Variants in GNB4 observed in about 807,000 individuals in gnomAD.
GNB4 encodes guanine nucleotide-binding protein subunit beta-4.
In GNB4, 28 loss-of-function variants were observed where a neutral mutation model predicts 45.2. The observed-to-expected ratio is 0.62, with a 90% CI of 0.46 to 0.85. The LOEUF (loss-of-function observed/expected upper bound fraction) is 0.85, where lower values mean the gene tolerates loss of function less well. Among genes scored for constraint, GNB4 ranks in the 40% least tolerant of loss-of-function variants. The pLI, the probability that GNB4 is intolerant of heterozygous loss-of-function variation, is 0.00. For synonymous variants in GNB4, 132 were observed against 143.7 expected, an observed-to-expected ratio of 0.92 and a Z score of 0.58; for missense variants, 321 against 425.4, an observed-to-expected ratio of 0.75 and a Z score of 2.16.
the GNB4 span, among the ~76,000 whole-genome samples, chr3:179,507,050 G>A: frequency 2.0e-5 from 3 of 152,096 alleles, no homozygotes; most frequent in South Asian, 2.1e-4. Context: ...CCCACCCAGC[G>A]GACCAAACTA....
intron 5 of GNB4, 91 bp from the exon 6 acceptor site, chr3:179,415,138 T>A: frequency 1.0e-6 from 1 of 985,262 alleles, no homozygotes; most frequent in South Asian, 3.5e-5. Flanking sequence ...TTATTAAAAA[T>A]TAAACACATC....
At chr3:179,493,961 A>G in the GNB4 span, among the ~76,000 whole-genome samples, 19 of 152,184 alleles carry the variant, frequency 1.2e-4, no homozygotes, top group African/African-American at 4.1e-4. Flanking sequence ...TTGTGCACCC[A>G]TGGAGGCCAC....
the GNB4 span, among the ~76,000 whole-genome samples, chr3:179,488,781 G>A: frequency 5.3e-5 from 8 of 150,990 alleles, no homozygotes; most frequent in South Asian, 2.1e-4. Flanking sequence ...TCAGGAGTTC[G>A]AGACCAGCCT....
Position 179,426,151 on chromosome 3 carries a change from T to C in GNB4, c.50A>G (p.Gln17Arg). ...GAAATGAAAAGGTTTTACCTGAATC[T>C]GATTCCGCAGTTGTTCTGCTTCTTG... ...LRQEAEQLRNQIQDARKACND... is the reference protein window; with the variant it reads ...LRQEAEQLRNRIQDARKACND... The change falls in exon 2 of 10, where the codon CAG (glutamine) becomes CGG (arginine). Residue 17 changes from glutamine (Q) to arginine (R), a missense_variant. By Grantham distance (43) the Gln-to-Arg change is conservative (BLOSUM62 1). Coordinates refer to ENST00000232564, the MANE Select transcript of GNB4 (RefSeq NM_021629.4). 1 of 1,602,052 alleles carries C rather than the reference T, an allele frequency of 6.2e-7. No homozygotes were observed. Among genetic ancestry groups the C allele is most frequent in the Non-Finnish European group, 8.5e-7 (1 of 1,177,186 alleles).
At chr3:179,526,677 C>T in the GNB4 span, among the ~76,000 whole-genome samples, 1 of 152,116 alleles carries the variant, frequency 6.6e-6, no homozygotes, top group Admixed American at 6.6e-5. Context: ...ATATCTGAAC[C>T]GTGCTTCCAT....
At chr3:179,499,003 G>A in the GNB4 span, among the ~76,000 whole-genome samples, 5 of 151,926 alleles carry the variant, frequency 3.3e-5, no homozygotes, top group African/African-American at 9.7e-5. Context: ...GCTTATCAGT[G>A]AGAATATGCA....
At chr3:179,412,146 G>GT (rs201630078) in intron 8 of GNB4, among the ~76,000 whole-genome samples, 2,322 of 152,172 alleles carry the variant, frequency 0.015, 68 homozygotes, top group African/African-American at 0.053. Context: ...TGTTTAGGTA[G>GT]TTTTTTTAAA....
chr3:179,405,382 C>T lies in GNB4; in HGVS notation c.724G>A (p.Ala242Thr), dbSNP rs751400013. The T allele has an allele frequency of 1.5e-5, 24 of 1,611,950 alleles. No homozygotes were observed. In the Middle Eastern group the frequency reaches 4.9e-4, roughly 33 times the overall value. The change falls in exon 9 of 10, where the codon GCC becomes ACC. Residue 242 changes from alanine (A) to threonine (T), a missense_variant. Physicochemically the swap from Ala to Thr is moderately conservative, Grantham distance 58 (BLOSUM62 0). Transcript: ENST00000232564. ...CAAGTGGCATCATCAGAGCCAGTGGCGAAGGCATATCCATTTGGGAAAAAC... is the reference window on the plus strand; with the variant it reads ...CAAGTGGCATCATCAGAGCCAGTGGTGAAGGCATATCCATTTGGGAAAAAC... ...VSFFPNGYAFATGSDDATCRL... is the reference protein window; with the variant it reads ...VSFFPNGYAFTTGSDDATCRL...
intron 1 of GNB4, among the ~76,000 whole-genome samples, chr3:179,427,095 T>C (rs1715170353): frequency 6.6e-6 from 1 of 152,022 alleles, no homozygotes; most frequent in Non-Finnish European, 1.5e-5. Flanking sequence ...TCAGTGTCTT[T>C]GCATTTGCTC....
chr3:179,431,685 C>G (rs1715316078), intron 1 of GNB4, among the ~76,000 whole-genome samples: 1 of 152,072 alleles, frequency 6.6e-6, no homozygotes, highest in South Asian at 2.1e-4. Flanking sequence ...GAAGTTAGAT[C>G]TACCGGCTAG....
At chr3:179,474,408 G>C in the GNB4 span, among the ~76,000 whole-genome samples, 2 of 152,058 alleles carry the variant, frequency 1.3e-5, no homozygotes, top group South Asian at 4.2e-4. Context: ...ATTTTTAGTA[G>C]AGATGAGGTT....
the GNB4 span, among the ~76,000 whole-genome samples, chr3:179,474,151 T>A: frequency 6.6e-6 from 1 of 152,214 alleles, no homozygotes; most frequent in South Asian, 2.1e-4. Context: ...ATTGTGCTAC[T>A]GTACTCCACC....
chr3:179,451,764 G>GTAGC (rs1390573192), upstream of GNB4, among the ~76,000 whole-genome samples: 3 of 152,228 alleles, frequency 2.0e-5, no homozygotes, highest in Non-Finnish European at 2.9e-5. Flanking sequence ...ACGCTGCTAA[G>GTAGC]TAGCGCCCGT....
chr3:179,494,294 A>T, the GNB4 span, among the ~76,000 whole-genome samples: 575 of 145,998 alleles, frequency 3.9e-3, 5 homozygotes, highest in African/African-American at 0.013. Context: ...AAAGAAAGAA[A>T]GAGAGAGGAA....
In GNB4 at chr3:179,413,537, A is replaced by C. The variant is rs556759178; in HGVS notation, c.574T>G (p.Leu192Val). ...GHSGDVMSLSLSPDMRTFVSG... is the reference protein window; with the variant it reads ...GHSGDVMSLSVSPDMRTFVSG... ...ACAAAAGTCCTCATGTCAGGACTCA[A>C]AGAAAGACTCATCACATCTCCAGAA... The change falls in exon 8 of 10, where the codon TTG becomes GTG. Residue 192 changes from leucine to valine, a missense_variant. Coordinates refer to ENST00000232564, the MANE Select transcript of GNB4 (RefSeq NM_021629.4). 100 of 1,613,984 alleles carry C rather than the reference A, an allele frequency of 6.2e-5. No homozygotes were observed. The highest frequency in any genetic ancestry group is 8.1e-5 in the Non-Finnish European group (95 of 1,179,968).
chr3:179,483,863 GTTAA>G, the GNB4 span, among the ~76,000 whole-genome samples: 2 of 152,132 alleles, frequency 1.3e-5, no homozygotes, highest in African/African-American at 4.8e-5. Context: ...GCTAGAATAT[GTTAA>G]TTAATTAAAG....
the GNB4 span, among the ~76,000 whole-genome samples, chr3:179,462,314 T>G: frequency 6.6e-6 from 1 of 152,214 alleles, no homozygotes; most frequent in Non-Finnish European, 1.5e-5. Flanking sequence ...CAGTACTTGG[T>G]CTAAACTACT....
At chr3:179,492,603 C>T in the GNB4 span, among the ~76,000 whole-genome samples, 7 of 152,124 alleles carry the variant, frequency 4.6e-5, no homozygotes, top group Non-Finnish European at 1.0e-4. Flanking sequence ...GGTACATACC[C>T]AAGCCTAGTA....
At chr3:179,472,063 C>T in the GNB4 span, among the ~76,000 whole-genome samples, 1 of 151,882 alleles carries the variant, frequency 6.6e-6, no homozygotes. Context: ...TAATCAGTCA[C>T]AAATATTATT....
Sources: gnomAD v4.1 joint callset for allele counts (sites outside exome capture counted in the v4.1 genomes callset) on GRCh38, gnomAD v4.1.1 for gene constraint, MANE v1.5 for transcripts, NCBI Gene and HGNC (gene_info 2026-07-23, HGNC 2026-07-21) for gene names.